CTNNA3: variants seen among roughly 807,000 people sequenced by gnomAD.
The protein encoded by CTNNA3 is catenin alpha 3, also known as catenin alpha-3.
CTNNA3 carries 76 observed loss-of-function variants against 95.7 expected under a neutral mutation model. That is an observed-to-expected ratio of 0.79 (90% CI 0.66 to 0.96). The LOEUF is 0.96. Ranked by LOEUF, CTNNA3 falls within the 40% of genes least tolerant of loss-of-function variation. The pLI is 0.00. For synonymous variants in CTNNA3, 431 were observed against 374.4 expected (o/e 1.15, Z -1.74); for missense variants, 1,191 against 1,089.8 (o/e 1.09, Z -1.31).
chr10:67,139,589 T>C (rs1444246950), intron 7 of CTNNA3, among the ~76,000 whole-genome samples: 1 of 151,604 alleles, frequency 6.6e-6, no homozygotes, highest in Non-Finnish European at 1.5e-5. Context: ...ATTTTTGTAT[T>C]TTTAGTAGAG....
chr10:67,324,470 G>A (rs1841459672), intron 5 of CTNNA3, among the ~76,000 whole-genome samples: 1 of 152,094 alleles, frequency 6.6e-6, no homozygotes, highest in South Asian at 2.1e-4. Context: ...TTATCAAAAA[G>A]CCTTTTCTGC....
At chr10:67,222,851 GA>G (rs1257882744) in intron 5 of CTNNA3, among the ~76,000 whole-genome samples, 3 of 152,162 alleles carry the variant, frequency 2.0e-5, no homozygotes, top group Non-Finnish European at 4.4e-5. Context: ...TCTGAAAGGT[GA>G]AAAACTTGAA....
intron 13 of CTNNA3, among the ~76,000 whole-genome samples, chr10:66,275,249 C>A (rs113503862): frequency 0.075 from 11,450 of 152,160 alleles, 1,265 homozygotes; most frequent in African/African-American, 0.24. Context: ...TCCTGAGAAA[C>A]TGGGACTACA....
At chr10:66,438,424 C>G (rs1224787587) in intron 11 of CTNNA3, among the ~76,000 whole-genome samples, 3 of 152,198 alleles carry the variant, frequency 2.0e-5, no homozygotes, top group Admixed American at 1.3e-4. Flanking sequence ...GAGAGGCAGT[C>G]TGGCTACAGA....
At chr10:66,612,756 G>C (rs1228531262) in intron 10 of CTNNA3, among the ~76,000 whole-genome samples, 1 of 152,002 alleles carries the variant, frequency 6.6e-6, no homozygotes, top group Non-Finnish European at 1.5e-5. Flanking sequence ...TCTATTACAT[G>C]TTTTTCCATC....
chr10:67,762,702 A>G (rs191744304), intron 1 of CTNNA3, among the ~76,000 whole-genome samples: 90 of 152,324 alleles, frequency 5.9e-4, no homozygotes, highest in African/African-American at 2.1e-3. Flanking sequence ...AAGAAGAAGT[A>G]AAAACTAAAA....
chr10:66,210,273 A>G (rs1375477356), intron 13 of CTNNA3, among the ~76,000 whole-genome samples: 1 of 151,304 alleles, frequency 6.6e-6, no homozygotes, highest in Non-Finnish European at 1.5e-5. Flanking sequence ...TATGGGGAAA[A>G]AATGGCAATG....
At chr10:66,552,440 C>A (rs896018999) in intron 10 of CTNNA3, among the ~76,000 whole-genome samples, 1 of 152,110 alleles carries the variant, frequency 6.6e-6, no homozygotes, top group Non-Finnish European at 1.5e-5. Context: ...AAAATCAACC[C>A]TGTAAAATTG....
intron 10 of CTNNA3, among the ~76,000 whole-genome samples, chr10:66,618,240 C>G (rs1190855913): frequency 1.4e-4 from 21 of 151,788 alleles, no homozygotes; most frequent in South Asian, 8.3e-4. Context: ...CAAAAAAGAG[C>G]CCGCATCGCC....
intron 9 of CTNNA3, among the ~76,000 whole-genome samples, chr10:66,719,239 CTA>C (rs1848549558): frequency 1.3e-5 from 2 of 152,188 alleles, no homozygotes; most frequent in African/African-American, 4.8e-5. Flanking sequence ...ATTATAAAAT[CTA>C]TGTCTTAATA....
intron 15 of CTNNA3, among the ~76,000 whole-genome samples, chr10:65,997,165 C>G (rs1360593966): frequency 6.6e-6 from 1 of 152,170 alleles, no homozygotes; most frequent in African/African-American, 2.4e-5. Context: ...GGTTCTCCCA[C>G]TTTCAAAGAG....
At chr10:66,190,064 G>GC (rs1209551224) in intron 13 of CTNNA3, among the ~76,000 whole-genome samples, 1 of 152,064 alleles carries the variant, frequency 6.6e-6, no homozygotes, top group African/African-American at 2.4e-5. Flanking sequence ...AAACTACAGA[G>GC]CCAAGAAGCT....
intron 9 of CTNNA3, among the ~76,000 whole-genome samples, chr10:66,757,253 A>AG (rs1256785003): frequency 6.6e-6 from 1 of 152,094 alleles, no homozygotes; most frequent in Non-Finnish European, 1.5e-5. Flanking sequence ...TAGGGCTGAG[A>AG]GGGGGCTGAG....
At position 67,180,394 on chromosome 10, in the gene CTNNA3, G is replaced by T; in HGVS notation, c.970C>A (p.His324Asn). The T allele has an allele frequency of 6.2e-7, 1 of 1,613,828 alleles. No homozygotes were observed. The highest frequency in any genetic ancestry group is 8.5e-7 in the Non-Finnish European group (1 of 1,179,892). The change falls in exon 7 of 18, where the codon CAC (histidine) becomes AAC (asparagine). Residue 324 changes from histidine to asparagine, a missense_variant. His to Asn is a moderately conservative substitution (Grantham distance 68). Transcript: ENST00000433211. ...LADSSCTRDL[H>N]RERIIAECNA... ...CATTCTGCGATAATCCGCTCTCGGT[G>T]TAAGTCCCTCGTACATGAAGAATCC...
intron 12 of CTNNA3, among the ~76,000 whole-genome samples, chr10:66,309,952 A>AAT (rs1346567069): frequency 9.9e-5 from 14 of 141,810 alleles, no homozygotes; most frequent in African/African-American, 4.0e-4. Context: ...TAAATAAATA[A>AAT]ATAAAATAAA....
intron 9 of CTNNA3, among the ~76,000 whole-genome samples, chr10:66,646,516 A>G (rs1845713168): frequency 6.6e-6 from 1 of 152,142 alleles, no homozygotes; most frequent in African/African-American, 2.4e-5. Flanking sequence ...TCTGTATGGA[A>G]ATACAGACAT....
intron 15 of CTNNA3, among the ~76,000 whole-genome samples, chr10:66,042,899 C>CAA (rs60090636): frequency 0.011 from 574 of 50,370 alleles, 79 homozygotes; most frequent in East Asian, 0.037. Flanking sequence ...GACTCTGTCT[C>CAA]AAAAAAAAAA....
At chr10:66,583,262 C>G (rs1369218192) in intron 10 of CTNNA3, among the ~76,000 whole-genome samples, 1 of 150,750 alleles carries the variant, frequency 6.6e-6, no homozygotes, top group East Asian at 1.9e-4. Flanking sequence ...ATTCATTTGG[C>G]CTTGGACTGT....
intron 12 of CTNNA3, among the ~76,000 whole-genome samples, chr10:66,361,762 T>G (rs1341470621): frequency 6.6e-6 from 1 of 151,902 alleles, no homozygotes; most frequent in Non-Finnish European, 1.5e-5. Flanking sequence ...GGTCTCAAAC[T>G]CCTGGGTTCA....
Sources: allele counts gnomAD v4.1 joint callset (sites outside exome capture counted in the v4.1 genomes callset), GRCh38; gene constraint gnomAD v4.1.1; transcripts MANE v1.5; gene names NCBI Gene and HGNC (gene_info 2026-07-23, HGNC 2026-07-21).